The following ATP6V1G3 variants were observed in gnomAD, a reference collection of about 807,000 sequenced individuals.
The protein encoded by ATP6V1G3 is V-type proton ATPase subunit G 3.
A neutral mutation model predicts 9.3 loss-of-function variants in ATP6V1G3; 9 were observed. The observed-to-expected ratio is 0.97, with a 90% CI of 0.59 to 1.69. The LOEUF (loss-of-function observed/expected upper bound fraction) is 1.69. Ranked by LOEUF, ATP6V1G3 falls within the 40% of genes most tolerant of loss-of-function variation. The probability of loss-of-function intolerance (pLI) is 0.00; values close to 1 mark genes in which losing one functional copy is unlikely to be tolerated. For synonymous variants in ATP6V1G3, 43 were observed against 43.8 expected, an observed-to-expected ratio of 0.98 and a Z score of 0.07; for missense variants, 133 against 139.0, an observed-to-expected ratio of 0.96 and a Z score of 0.22.
intron 1 of ATP6V1G3, among the ~76,000 whole-genome samples, chr1:198,531,319 C>A (rs1022952918): frequency 2.0e-5 from 3 of 152,148 alleles, no homozygotes; most frequent in African/African-American, 7.2e-5. Context: ...AGAGGTGAAA[C>A]AAAATGCACA....
intron 2 of ATP6V1G3, among the ~76,000 whole-genome samples, chr1:198,524,065 C>A (rs1391485286): frequency 6.6e-6 from 1 of 150,414 alleles, no homozygotes; most frequent in African/African-American, 2.4e-5. Context: ...TGAACTGTAT[C>A]TTGCTTTTAT....
chr1:198,540,835 A>G, upstream of ATP6V1G3: 1 of 621,386 alleles, frequency 1.6e-6, no homozygotes, highest in South Asian at 2.0e-5. Flanking sequence ...TGGAATCTAG[A>G]AAAACAAGTT....
rs375682093 is a variant in ATP6V1G3 at position 198,523,280 on chromosome 1, A to T, written c.*111T>A. ...TATGAGTTATGTCACATTTCCTGTA[A>T]ATGTAAATTTAAGGTTCTCATTTCA... On this transcript the variant is annotated 3_prime_UTR_variant, in exon 3 of 3. Coordinates refer to ENST00000367382, the MANE Select transcript of ATP6V1G3 (RefSeq NM_001376861.1). 4.8e-4 allele frequency: 507 copies of T among 1,060,324 alleles called. 6 individuals are homozygous for T. Among genetic ancestry groups the T allele is most frequent in the Middle Eastern group, 4.6e-3 (21 of 4,560 alleles). The allele number at this position is 1,060,324 out of a possible 1,614,324, so 65.7% of individuals were successfully genotyped here.
chr1:198,529,573 T>C (rs888895492), intron 1 of ATP6V1G3, among the ~76,000 whole-genome samples: 17 of 152,106 alleles, frequency 1.1e-4, no homozygotes, highest in Admixed American at 1.1e-3. Flanking sequence ...GGTCAGATTT[T>C]CAGTCTTGAT....
At chr1:198,537,850 C>CA (rs1660180303) in intron 1 of ATP6V1G3, among the ~76,000 whole-genome samples, 1 of 152,098 alleles carries the variant, frequency 6.6e-6, no homozygotes, top group South Asian at 2.1e-4. Context: ...ATAAATGAAA[C>CA]AAAAACCACT....
Position 198,529,112 on chromosome 1 carries a change from C to G in ATP6V1G3, c.152G>C (p.Arg51Thr), listed in dbSNP as rs948239862. ...MVEIDQYRMQ[R>T]DKEFRLKQSK... ...TTGTTTTAGTCGAAACTCTTTATCT[C>G]TCTGCATTCTGTACTGGTCAATTTC... Residue 51 changes from arginine (R) to threonine (T), a missense_variant, in exon 2 of 3, where the codon AGA (arginine) becomes ACA (threonine). By Grantham distance (71) the Arg-to-Thr change is moderately conservative. Transcript: ENST00000367382. The G allele has an allele frequency of 6.5e-7, 1 of 1,541,996 alleles. No individual in the cohort carries two copies. The highest frequency in any genetic ancestry group is 8.8e-7 in the Non-Finnish European group (1 of 1,140,270).
At chr1:198,528,968 T>A (rs375292451) in intron 2 of ATP6V1G3, 113 bp downstream of exon 2, 1 of 369,510 alleles carries the variant, frequency 2.7e-6, no homozygotes, top group African/African-American at 2.2e-5. Context: ...TTGATTGAAC[T>A]ATATCTGCTC....
chr1:198,532,804 A>G (rs79175770), intron 1 of ATP6V1G3, among the ~76,000 whole-genome samples: 5,618 of 152,272 alleles, frequency 0.037, 150 homozygotes, highest in Middle Eastern at 0.075. Flanking sequence ...GATATTTGCC[A>G]TGCTGAAGGA....
At chr1:198,537,321 T>C (rs1163943242) in intron 1 of ATP6V1G3, among the ~76,000 whole-genome samples, 1 of 152,210 alleles carries the variant, frequency 6.6e-6, no homozygotes, top group African/African-American at 2.4e-5. Flanking sequence ...TTCAGCATAA[T>C]ATAAAAATAA....
Position 198,529,173 on chromosome 1 carries a change from T to C in ATP6V1G3, c.91A>G (p.Lys31Glu). ...TCCTCCTTGGCTTGCTTCAATCGCT[T>C]TCCTTTTCCTGAAAATTAACAAATA... ...KLEEAKKRKG[K>E]RLKQAKEEAM... Residue 31 changes from lysine (K) to glutamate (E), a missense_variant, in exon 2 of 3, where the codon AAG (lysine) becomes GAG (glutamate). By Grantham distance (56) the Lys-to-Glu change is moderately conservative (BLOSUM62 1). Transcript: ENST00000367382. 7.5e-7 allele frequency: 1 copy of C among 1,326,198 alleles called. No individual in the cohort carries two copies. Among genetic ancestry groups the C allele is most frequent in the Middle Eastern group, 2.0e-4 (1 of 5,054 alleles). 82.2% of individuals were successfully genotyped at this position (1,326,198 alleles called of 1,614,324 possible). A position where few individuals can be genotyped will look rare whatever the true frequency, so the allele number is the denominator to read the frequency against.
intron 1 of ATP6V1G3, among the ~76,000 whole-genome samples, chr1:198,537,161 G>A (rs61674646): frequency 0.018 from 2,772 of 152,134 alleles, 71 homozygotes; most frequent in African/African-American, 0.062. Flanking sequence ...TCTATAGACC[G>A]CGTGGCCTTC....
intron 1 of ATP6V1G3, among the ~76,000 whole-genome samples, chr1:198,538,241 T>C (rs1439212649): frequency 2.0e-5 from 3 of 152,174 alleles, no homozygotes; most frequent in African/African-American, 7.2e-5. Context: ...AACATTTTTG[T>C]ATAGAAATAA....
At chr1:198,536,555 A>G in intron 1 of ATP6V1G3, 1 of 697,526 alleles carries the variant, frequency 1.4e-6, no homozygotes. Flanking sequence ...CTGTGATTTC[A>G]TCTAAATTCA....
chr1:198,525,647 A>G (rs1265455806), intron 2 of ATP6V1G3, among the ~76,000 whole-genome samples: 1 of 152,188 alleles, frequency 6.6e-6, no homozygotes, highest in Non-Finnish European at 1.5e-5. Context: ...AATAATATTC[A>G]TATTTTAACA....
At chr1:198,535,999 A>ATTT (rs79465930) in intron 1 of ATP6V1G3, among the ~76,000 whole-genome samples, 5,602 of 151,170 alleles carry the variant, frequency 0.037, 126 homozygotes, top group Middle Eastern at 0.071. Context: ...GAAAATTTAC[A>ATTT]TTTTTTTTTG....
intron 1 of ATP6V1G3, among the ~76,000 whole-genome samples, chr1:198,534,842 C>T (rs1015459486): frequency 6.6e-6 from 1 of 152,144 alleles, no homozygotes; most frequent in African/African-American, 2.4e-5. Context: ...GGGCGATTGT[C>T]AATATTGTGA....
chr1:198,531,468 G>A (rs1381328616), intron 1 of ATP6V1G3, among the ~76,000 whole-genome samples: 1 of 152,150 alleles, frequency 6.6e-6, no homozygotes, highest in East Asian at 1.9e-4. Context: ...AAGACATTTG[G>A]ACTGATTTTC....
chr1:198,535,131 C>T (rs1307493997), intron 1 of ATP6V1G3, among the ~76,000 whole-genome samples: 1 of 152,088 alleles, frequency 6.6e-6, no homozygotes, highest in African/African-American at 2.4e-5. Context: ...GATGAAAATG[C>T]TCTGTGGTTA....
chr1:198,536,700 C>T (rs3736930), intron 1 of ATP6V1G3: 45,835 of 1,605,032 alleles, frequency 0.029, 842 homozygotes, highest in East Asian at 0.063. Context: ...CCAGTCTCTT[C>T]GTTTTAGGAA....
Sources: gnomAD v4.1 joint callset for allele counts (sites outside exome capture counted in the v4.1 genomes callset) on GRCh38, gnomAD v4.1.1 for gene constraint, MANE v1.5 for transcripts, NCBI Gene and HGNC (gene_info 2026-07-23, HGNC 2026-07-21) for gene names.